ATAT1: variants seen among roughly 807,000 people sequenced by gnomAD.
The protein encoded by ATAT1 is alpha tubulin acetyltransferase 1.
ATAT1 carries 42 observed loss-of-function variants against 57.2 expected under a neutral mutation model. The observed-to-expected ratio is 0.73, with a 90% CI of 0.57 to 0.95. ATAT1 has a LOEUF of 0.95. Among genes scored for constraint, ATAT1 ranks in the 40% least tolerant of loss-of-function variants. The probability of loss-of-function intolerance (pLI) is 0.00; values close to 1 mark genes in which losing one functional copy is unlikely to be tolerated. For missense variants in ATAT1, 454 were observed against 523.7 expected (o/e 0.87, Z 1.30); for synonymous variants, 168 against 187.1 (o/e 0.90, Z 0.83).
rs776697301 is a variant in ATAT1 at position 30,645,915 on chromosome 6, T to C, written c.953T>C (p.Val318Ala). 6.6e-7 allele frequency: 1 copy of C among 1,511,278 alleles called. No individual in the cohort carries two copies. Among genetic ancestry groups the C allele is most frequent in the South Asian group, 1.4e-5 (1 of 74,066 alleles). The allele number at this position is 1,511,278 out of a possible 1,614,324, so 93.6% of individuals were successfully genotyped here. ...TACAGGGGGACTCCCCCAGGTCTGG[T>C]AGCCCAAAGCTGCTGCTACAGCCGC... The change falls in exon 11 of 13, where the codon GTA (valine) becomes GCA (alanine). Residue 318 changes from valine to alanine, a missense_variant. Physicochemically the swap from Val to Ala is moderately conservative, Grantham distance 64 (BLOSUM62 0). Transcript: ENST00000330083.
intron 6 of ATAT1, among the ~76,000 whole-genome samples, chr6:30,640,165 C>T (rs1765100901): frequency 6.6e-6 from 1 of 151,778 alleles, no homozygotes; most frequent in East Asian, 1.9e-4. Context: ...TTGCCTACAG[C>T]ATTCAGTACA....
At chr6:30,640,496 A>C (rs1079687) in intron 7 of ATAT1, 39 bp from the exon 8 acceptor site, 2 of 1,611,158 alleles carry the variant, frequency 1.2e-6, no homozygotes, top group Middle Eastern at 3.4e-4. Context: ...GGTCCTGCCG[A>C]CCCCTCACTG....
Position 30,642,833 on chromosome 6 carries a change from G to GAGCC in ATAT1, c.754_755insAGCC (p.Ala252GlufsTer49). The GAGCC allele has an allele frequency of 2.0e-6, 3 of 1,537,878 alleles. No individual in the cohort carries two copies. Among genetic ancestry groups the GAGCC allele is most frequent in the South Asian group, 1.2e-5 (1 of 86,358 alleles). ...GGCCCCTCGCCGCGCCACACCTCCA[G>GAGCC]CCCACCCACCCCCCCGCTCCAGCAG... is the stretch of plus-strand genomic sequence containing the variant. On this transcript the variant is annotated frameshift_variant, in exon 10 of 13. Transcript: ENST00000330083. LOFTEE classifies it high-confidence loss of function.
intron 6 of ATAT1, among the ~76,000 whole-genome samples, chr6:30,636,963 C>T (rs1764235871): frequency 6.6e-6 from 1 of 151,974 alleles, no homozygotes; most frequent in Admixed American, 6.6e-5. Context: ...AGGCGCCCAC[C>T]ACCACACCTG....
chr6:30,637,541 G>A (rs1439651046), intron 6 of ATAT1, among the ~76,000 whole-genome samples: 2 of 151,880 alleles, frequency 1.3e-5, no homozygotes, highest in Non-Finnish European at 2.9e-5. Flanking sequence ...AAATAAGCCG[G>A]GCGTGGTGGC....
chr6:30,644,283 C>T, intron 10 of ATAT1: 1 of 985,808 alleles, frequency 1.0e-6, no homozygotes, highest in Non-Finnish European at 1.2e-6. Context: ...GAGAGTAGAT[C>T]CAGAGTGTCA....
Position 30,630,935 on chromosome 6 carries a change from T to C in ATAT1, c.501+2505T>C, listed in dbSNP as rs143528375. Among the ~76,000 whole-genome samples the C allele has an allele frequency of 7.5e-3, 1,112 of 148,722 alleles. 14 individuals carry two copies. Among genetic ancestry groups the C allele is most frequent in the Middle Eastern group, 0.038 (11 of 290 alleles). On this transcript the variant is annotated intron_variant, in intron 6 of 12. Transcript: ENST00000330083. ...CCTGGGGGACGAAGCGAGACTCTTG[T>C]CTCGGAACAAAAAAAAAAAACAGAA... is the stretch of plus-strand genomic sequence containing the variant.
chr6:30,642,833 G>GCCCCCCCCCCCCCCCCCCCCCCC lies in ATAT1; in HGVS notation c.757_758insCCCCCCCCCCCCCCCCCCCCCCC (p.His253ProfsTer74). On this transcript the variant is annotated frameshift_variant, in exon 10 of 13. Coordinates refer to ENST00000330083, the MANE Select transcript of ATAT1 (RefSeq NM_001031722.4). LOFTEE classifies it high-confidence loss of function. The stretch of plus-strand genomic sequence containing the variant: ...GGCCCCTCGCCGCGCCACACCTCCA[G>GCCCCCCCCCCCCCCCCCCCCCCC]CCCACCCACCCCCCCGCTCCAGCAG... 1 of 1,537,858 alleles carries GCCCCCCCCCCCCCCCCCCCCCCC rather than the reference G, an allele frequency of 6.5e-7. No homozygotes were observed. The highest frequency in any genetic ancestry group is 1.6e-5 in the African/African-American group (1 of 61,252).
chr6:30,643,818 GA>G, intron 10 of ATAT1: 1 of 1,326,256 alleles, frequency 7.5e-7, no homozygotes, highest in Non-Finnish European at 9.6e-7. Context: ...CAGGAAGTCT[GA>G]TCTGTTGCCA....
chr6:30,627,943 A>G (rs761192256), intron 4 of ATAT1, 32 bp downstream of exon 4: 127 of 1,611,846 alleles, frequency 7.9e-5, no homozygotes, highest in Non-Finnish European at 9.4e-5. Context: ...GAGTTCGTAT[A>G]CCTTGGTTTC....
At chr6:30,630,823 A>G (rs1425726123) in intron 6 of ATAT1, among the ~76,000 whole-genome samples, 1 of 152,044 alleles carries the variant, frequency 6.6e-6, no homozygotes, top group Admixed American at 6.5e-5. Context: ...CTGTAATCCC[A>G]GCTACTCGGG....
At chr6:30,635,900 A>G (rs1470106160) in intron 6 of ATAT1, among the ~76,000 whole-genome samples, 3 of 152,224 alleles carry the variant, frequency 2.0e-5, no homozygotes, top group African/African-American at 7.2e-5. Flanking sequence ...CAAGAGCTGG[A>G]GAGTGAAGTG....
intron 8 of ATAT1, among the ~76,000 whole-genome samples, chr6:30,641,162 C>A (rs1483300484): frequency 6.6e-6 from 1 of 151,894 alleles, no homozygotes; most frequent in African/African-American, 2.4e-5. Flanking sequence ...CAGTCTGAGC[C>A]CCACTCCTTC....
intron 6 of ATAT1, chr6:30,633,909 G>A (rs542693552): frequency 6.0e-6 from 1 of 167,036 alleles, no homozygotes; most frequent in East Asian, 1.9e-4. Context: ...TGATGATGAA[G>A]ATGACGATGT....
At chr6:30,646,447 T>A in intron 12 of ATAT1, 22 bp from the exon 13 acceptor site, 1 of 1,545,894 alleles carries the variant, frequency 6.5e-7, no homozygotes, top group African/African-American at 1.4e-5. Flanking sequence ...TATAACCCAC[T>A]CTCCATCTCC....
At chr6:30,645,318 C>T (rs1183828564) in intron 10 of ATAT1, among the ~76,000 whole-genome samples, 1 of 151,690 alleles carries the variant, frequency 6.6e-6, no homozygotes, top group Non-Finnish European at 1.5e-5. Context: ...TGGGTTCAAG[C>T]GATTCTCCTG....
At chr6:30,644,730 C>G in intron 10 of ATAT1, 1 of 723,384 alleles carries the variant, frequency 1.4e-6, no homozygotes, top group Non-Finnish European at 1.7e-6. Flanking sequence ...GATCTCAGGA[C>G]CTCTGTCCCT....
chr6:30,643,670 A>C (rs2127553234), intron 10 of ATAT1: 1 of 1,533,800 alleles, frequency 6.5e-7, no homozygotes, highest in East Asian at 2.5e-5. Flanking sequence ...GTGGAACCTG[A>C]CAGAGCCCAT....
intron 6 of ATAT1, among the ~76,000 whole-genome samples, chr6:30,639,140 C>G (rs1029184234): frequency 4.6e-5 from 7 of 152,134 alleles, no homozygotes; most frequent in Non-Finnish European, 1.0e-4. Flanking sequence ...ACTGCCATGC[C>G]TGGCTAATTT....
Sources: allele counts gnomAD v4.1 joint callset (sites outside exome capture counted in the v4.1 genomes callset), GRCh38; gene constraint gnomAD v4.1.1; transcripts MANE v1.5; gene names NCBI Gene and HGNC (gene_info 2026-07-23, HGNC 2026-07-21).